Variants in CCBE1 observed in about 807,000 individuals in gnomAD.
CCBE1 encodes collagen and calcium-binding EGF domain-containing protein 1.
In CCBE1, 37 loss-of-function variants were observed where a neutral mutation model predicts 50.0. The observed-to-expected ratio is 0.74, with a 90% CI of 0.57 to 0.97. The LOEUF (loss-of-function observed/expected upper bound fraction) is 0.97, where lower values mean the gene tolerates loss of function less well. Ranked by LOEUF, CCBE1 falls within the 50% of genes least tolerant of loss-of-function variation. The pLI is 0.00. For synonymous variants in CCBE1, 234 were observed against 203.7 expected, an observed-to-expected ratio of 1.15 and a Z score of -1.27; for missense variants, 538 against 523.8, an observed-to-expected ratio of 1.03 and a Z score of -0.26.
intron 5 of CCBE1, chr18:59,455,311 G>A (rs1214804307): frequency 5.4e-6 from 2 of 370,284 alleles, no homozygotes; most frequent in African/African-American, 2.1e-5. Context: ...CCCCTTAAAG[G>A]GCTAATGTTC....
At chr18:59,631,830 AC>A (rs1446324261) in intron 2 of CCBE1, among the ~76,000 whole-genome samples, 2 of 152,200 alleles carry the variant, frequency 1.3e-5, no homozygotes, top group Non-Finnish European at 2.9e-5. Context: ...TAGAATTAGG[AC>A]CCTTAAAAGC....
At chr18:59,662,433 C>T (rs9960386) in intron 2 of CCBE1, among the ~76,000 whole-genome samples, 63,166 of 152,064 alleles carry the variant, frequency 0.42, 14,405 homozygotes, top group African/African-American at 0.61. Context: ...CAAATAGAGA[C>T]CAGTTACACT....
In CCBE1 at chr18:59,503,257, G is replaced by A. The variant is rs1913710405; in HGVS notation, c.213-23019C>T. Among the ~76,000 whole-genome samples the A allele has an allele frequency of 2.0e-5, 3 of 152,218 alleles. 1 individual carries two copies. In the South Asian group the frequency reaches 6.2e-4, roughly 32 times the overall value. ...CTAGAAATCTGGGGACAGTTCCGCT[G>A]GACATCAGGATACCTGGGTGTAACA... On this transcript the variant is annotated intron_variant, in intron 2 of 10. Transcript: ENST00000439986.
intron 2 of CCBE1, among the ~76,000 whole-genome samples, chr18:59,517,069 A>C (rs1215108998): frequency 2.0e-5 from 3 of 152,238 alleles, no homozygotes; most frequent in Non-Finnish European, 4.4e-5. Context: ...ATGGAAGCTA[A>C]GAGTGCACAC....
intron 3 of CCBE1, among the ~76,000 whole-genome samples, chr18:59,474,056 A>G (rs1311886710): frequency 6.6e-6 from 1 of 152,234 alleles, no homozygotes; most frequent in East Asian, 1.9e-4. Flanking sequence ...TGTTTTTGCC[A>G]AAGATATGAT....
rs543163787 is a variant in CCBE1 at position 59,514,242 on chromosome 18, G to A, written c.213-34004C>T. Among the ~76,000 whole-genome samples the A allele has an allele frequency of 3.3e-5, 5 of 152,288 alleles. No individual in the cohort carries two copies. The East Asian group carries it at 7.7e-4, about 24-fold the overall frequency. On this transcript the variant is annotated intron_variant, in intron 2 of 10. Transcript: ENST00000439986. ...ACGAAAATTGAGGCTCAAAGATGCT[G>A]GACCTGAATCTTTTACCGTATCCAA...
intron 2 of CCBE1, among the ~76,000 whole-genome samples, chr18:59,553,619 T>C (rs1292298957): frequency 2.0e-5 from 3 of 152,244 alleles, no homozygotes; most frequent in East Asian, 3.8e-4. Flanking sequence ...TGAAGTTTTG[T>C]ACATGATCCA....
At chr18:59,541,939 G>A (rs544034859) in intron 2 of CCBE1, among the ~76,000 whole-genome samples, 2 of 152,174 alleles carry the variant, frequency 1.3e-5, no homozygotes, top group Non-Finnish European at 2.9e-5. Flanking sequence ...CACTTTGGGA[G>A]GCTGAAGTGG....
At chr18:59,697,692 TCTCC>T, upstream of CCBE1, 1 of 233,814 alleles carries the variant, frequency 4.3e-6, no homozygotes, top group Non-Finnish European at 8.4e-6. Flanking sequence ...GCCTCTTCCC[TCTCC>T]CTCCTCTGGG....
intron 2 of CCBE1, among the ~76,000 whole-genome samples, chr18:59,570,009 G>C (rs2052887098): frequency 6.6e-6 from 1 of 152,164 alleles, no homozygotes; most frequent in African/African-American, 2.4e-5. Flanking sequence ...TTCTTAAACA[G>C]AATATCAAAG....
intron 2 of CCBE1, among the ~76,000 whole-genome samples, chr18:59,581,074 G>A (rs760079572): frequency 2.6e-5 from 4 of 152,212 alleles, no homozygotes; most frequent in African/African-American, 7.2e-5. Context: ...ACACTGAGGG[G>A]AGGCTGAGTA....
chr18:59,645,031 G>A (rs1266602535), intron 2 of CCBE1, among the ~76,000 whole-genome samples: 14 of 152,208 alleles, frequency 9.2e-5, no homozygotes, highest in Middle Eastern at 3.4e-3. Context: ...CGAGGTGGGC[G>A]GATCACGAGG....
At chr18:59,569,714 A>C (rs1183299898) in intron 2 of CCBE1, among the ~76,000 whole-genome samples, 1 of 151,096 alleles carries the variant, frequency 6.6e-6, no homozygotes, top group Non-Finnish European at 1.5e-5. Flanking sequence ...AGCCTACTGC[A>C]GCTTCAAACT....
intron 2 of CCBE1, chr18:59,666,170 T>C (rs561456451): frequency 5.3e-5 from 8 of 152,290 alleles, no homozygotes; most frequent in African/African-American, 1.9e-4. Context: ...AAGAGAGAGT[T>C]TGTGATAGCA....
At position 59,477,321 on chromosome 18, in the gene CCBE1, C is replaced by G. The variant is rs143377130; in HGVS notation, c.265+2865G>C. 8.9e-4 allele frequency among the ~76,000 whole-genome samples: 134 copies of G among 151,314 alleles called. 1 individual carries two copies. The highest frequency in any genetic ancestry group is 3.4e-3 in the Middle Eastern group (1 of 294). On this transcript the variant is annotated intron_variant, in intron 3 of 10. Coordinates refer to ENST00000439986, the MANE Select transcript of CCBE1 (RefSeq NM_133459.4). ...AACTCAATTCAGGCAGGGCTAACGT[C>G]TCAGATCCTTCAGGAATGAAGGTGT...
intron 6 of CCBE1, among the ~76,000 whole-genome samples, chr18:59,450,011 G>A (rs1910857243): frequency 6.6e-6 from 1 of 152,204 alleles, no homozygotes; most frequent in Non-Finnish European, 1.5e-5. Flanking sequence ...AGAGGCGGCT[G>A]TCCAGAATCT....
chr18:59,604,566 TG>T (rs1214064280), intron 2 of CCBE1, among the ~76,000 whole-genome samples: 2 of 152,220 alleles, frequency 1.3e-5, no homozygotes, highest in Admixed American at 6.5e-5. Context: ...TACAGTCACC[TG>T]TATTTAAAAG....
At chr18:59,599,777 T>A (rs939288777) in intron 2 of CCBE1, among the ~76,000 whole-genome samples, 1 of 152,210 alleles carries the variant, frequency 6.6e-6, no homozygotes, top group East Asian at 1.9e-4. Flanking sequence ...TGGGGGTCTA[T>A]GGATAGACTA....
chr18:59,696,528 T>C lies in CCBE1; in HGVS notation c.212+101A>G, dbSNP rs2054805788. ...CAGCAGGTTCCAGCGTAAAAGCTGC[T>C]CCGGTCCCAAGCGCGTCTCCAAACC... On this transcript the variant is annotated intron_variant, in intron 2 of 10. Transcript: ENST00000439986. 10 of 1,587,286 alleles carry C rather than the reference T, an allele frequency of 6.3e-6. No homozygotes were observed. In the African/African-American group the frequency reaches 1.3e-4, roughly 21 times the overall value.
Sources: allele counts gnomAD v4.1 joint callset (sites outside exome capture counted in the v4.1 genomes callset), GRCh38; gene constraint gnomAD v4.1.1; transcripts MANE v1.5; gene names NCBI Gene and HGNC (gene_info 2026-07-23, HGNC 2026-07-21).